Variants in CLEC16A observed in about 807,000 individuals in gnomAD.
The protein encoded by CLEC16A is protein CLEC16A.
CLEC16A carries 51 observed loss-of-function variants against 109.5 expected under a neutral mutation model. The observed-to-expected ratio is 0.47, with a 90% CI of 0.37 to 0.59. The LOEUF (loss-of-function observed/expected upper bound fraction) is 0.59, where lower values mean the gene tolerates loss of function less well. Ranked by LOEUF, CLEC16A falls within the 20% of genes least tolerant of loss-of-function variation. CLEC16A has a pLI of 0.00. For synonymous variants in CLEC16A, 673 were observed against 564.2 expected, an observed-to-expected ratio of 1.19 and a Z score of -2.73; for missense variants, 1,339 against 1,394.0, an observed-to-expected ratio of 0.96 and a Z score of 0.63.
intron 21 of CLEC16A, among the ~76,000 whole-genome samples, chr16:11,125,646 G>C (rs938640734): frequency 3.9e-5 from 6 of 152,344 alleles, no homozygotes; most frequent in Non-Finnish European, 7.3e-5. Context: ...AACAGCCTTT[G>C]TCAGGGTCCT....
chr16:10,971,489 G>A (rs2042784305), intron 5 of CLEC16A: 1 of 938,928 alleles, frequency 1.1e-6, no homozygotes, highest in African/African-American at 1.8e-5. Flanking sequence ...GCACGTGTGG[G>A]ATTCAGAGTG....
At chr16:11,121,897 A>AG (rs1156402074) in intron 20 of CLEC16A, among the ~76,000 whole-genome samples, 1 of 151,264 alleles carries the variant, frequency 6.6e-6, no homozygotes, top group Non-Finnish European at 1.5e-5. Flanking sequence ...AAAAAAAAAA[A>AG]AAAAAAAAAA....
chr16:11,022,818 G>A lies in CLEC16A; in HGVS notation c.1437-2003G>A, dbSNP rs113313684. 1.1e-3 allele frequency among the ~76,000 whole-genome samples: 174 copies of A among 151,460 alleles called. 3 individuals carry two copies. The highest frequency in any genetic ancestry group is 1.4e-3 in the Admixed American group (21 of 15,214). On this transcript the variant is annotated intron_variant, in intron 12 of 23. Coordinates refer to ENST00000409790, the MANE Select transcript of CLEC16A (RefSeq NM_015226.3). ...GGAGGCTGAGGCAGGAGAATGGCGTGAACCCGGGAGGCAGAGCTTGCAGTG... is the reference window on the plus strand; with the variant it reads ...GGAGGCTGAGGCAGGAGAATGGCGTAAACCCGGGAGGCAGAGCTTGCAGTG...
chr16:11,156,234 G>GTGGC (rs1252643543), intron 22 of CLEC16A, among the ~76,000 whole-genome samples: 1 of 152,084 alleles, frequency 6.6e-6, no homozygotes, highest in African/African-American at 2.4e-5. Flanking sequence ...GTGGAGCATG[G>GTGGC]TGGCGCACAC....
At chr16:11,160,770 G>A (rs2054695694) in intron 22 of CLEC16A, among the ~76,000 whole-genome samples, 1 of 152,208 alleles carries the variant, frequency 6.6e-6, no homozygotes, top group Non-Finnish European at 1.5e-5. Flanking sequence ...GATACACAAA[G>A]ACGTCAGGGA....
chr16:11,148,202 A>C (rs776670946), intron 22 of CLEC16A, among the ~76,000 whole-genome samples: 2 of 152,196 alleles, frequency 1.3e-5, no homozygotes, highest in African/African-American at 2.4e-5. Context: ...AAAACAGGTG[A>C]CCAGTACCTG....
intron 3 of CLEC16A, 139 bp from the exon 4 acceptor site, chr16:10,969,022 C>G: frequency 3.2e-6 from 2 of 628,260 alleles, no homozygotes; most frequent in Non-Finnish European, 5.3e-6. Context: ...AAAAGTTAAG[C>G]TCTTCCCAGT....
chr16:11,158,984 A>G (rs752307953), intron 22 of CLEC16A, among the ~76,000 whole-genome samples: 2 of 151,998 alleles, frequency 1.3e-5, no homozygotes, highest in Admixed American at 6.6e-5. Context: ...CACAAGATAG[A>G]TGGCCTGGCT....
rs2068910522 is a variant in CLEC16A, at chr16:11,180,056, T to A, written c.*1366T>A. On this transcript the variant is annotated 3_prime_UTR_variant, in exon 24 of 24. Transcript: ENST00000409790. Reference sequence around the variant, plus strand: ...TCACTGGTGAGACCTTCCACAACTTTCCTCCAGACCTGCCAGCAGATGTGC... The same window carrying A: ...TCACTGGTGAGACCTTCCACAACTTACCTCCAGACCTGCCAGCAGATGTGC... 6.6e-6 allele frequency: 1 copy of A among 152,112 alleles called. No homozygotes were observed. The highest frequency in any genetic ancestry group is 2.4e-5 in the African/African-American group (1 of 41,326). The allele number at this position is 152,112 out of a possible 1,614,324, so 9.4% of individuals were successfully genotyped here. A position where few individuals can be genotyped will look rare whatever the true frequency, so the allele number is the denominator to read the frequency against.
intron 11 of CLEC16A, among the ~76,000 whole-genome samples, chr16:11,016,386 T>C (rs1391912703): frequency 1.5e-4 from 22 of 151,088 alleles, no homozygotes; most frequent in Admixed American, 1.4e-3. Flanking sequence ...TCTCACTCTG[T>C]CACCCAGGCT....
intron 5 of CLEC16A, 64 bp downstream of exon 5, chr16:10,971,294 G>A (rs1311056158): frequency 7.0e-6 from 8 of 1,145,442 alleles, no homozygotes; most frequent in African/African-American, 4.6e-5. Context: ...ACTCACTCCC[G>A]TGTGTGTGCG....
intron 9 of CLEC16A, among the ~76,000 whole-genome samples, chr16:10,979,800 A>G (rs1448709945): frequency 1.3e-5 from 2 of 152,072 alleles, no homozygotes; most frequent in African/African-American, 4.8e-5. Flanking sequence ...AACTTCCTGA[A>G]ATGAGTCTAT....
chr16:10,968,272 C>T (rs1214237158), intron 3 of CLEC16A, among the ~76,000 whole-genome samples: 3 of 152,214 alleles, frequency 2.0e-5, no homozygotes, highest in Non-Finnish European at 4.4e-5. Flanking sequence ...ATGTTTTTGC[C>T]GGCCAGCACA....
intron 1 of CLEC16A, among the ~76,000 whole-genome samples, chr16:10,950,020 C>CT (rs1240394051): frequency 6.6e-6 from 1 of 152,242 alleles, no homozygotes; most frequent in Non-Finnish European, 1.5e-5. Flanking sequence ...GCTGTCTTCT[C>CT]TAACTTCTTC....
In CLEC16A at chr16:11,178,305, T is replaced by C. The variant is rs761465485; in HGVS notation, c.2807-30T>C. On this transcript the variant is annotated intron_variant, in intron 23 of 23. Transcript: ENST00000409790. This position sits in a 1 kb window ranked among gnomAD's most constrained non-coding sequence, Gnocchi z 6.5. ...GCGACGGGGTGTCTCAAGGGCTCAG[T>C]GTGTTTCCGGTTTTTCTCCCCCAAT... 1.1e-5 allele frequency: 17 copies of C among 1,569,696 alleles called. No individual in the cohort carries two copies. The highest frequency in any genetic ancestry group is 8.7e-7 in the Non-Finnish European group (1 of 1,148,298).
At chr16:11,009,464 C>G (rs1361058181) in intron 11 of CLEC16A, among the ~76,000 whole-genome samples, 2 of 152,166 alleles carry the variant, frequency 1.3e-5, no homozygotes, top group Non-Finnish European at 2.9e-5. Context: ...TGCAGAGGGT[C>G]TGGGTGGTAC....
rs140158975 is a variant in CLEC16A, at chr16:11,170,645, C to G, written c.2806+4093C>G. ...GCCTTCCAACCTCTTAGTGGCTCAT[C>G]TCCCTGCATCTTATCTTCCCTGGGT... is the stretch of plus-strand genomic sequence containing the variant. On this transcript the variant is annotated intron_variant, in intron 23 of 23. Coordinates refer to ENST00000409790, the MANE Select transcript of CLEC16A (RefSeq NM_015226.3). 9.2e-5 allele frequency among the ~76,000 whole-genome samples: 14 copies of G among 152,332 alleles called. No individual in the cohort carries two copies. The East Asian group carries it at 2.7e-3, about 29-fold the overall frequency.
At position 11,179,482 on chromosome 16, in the gene CLEC16A, C is replaced by T. The variant is rs202139815; in HGVS notation, c.*792C>T. 1.3e-5 allele frequency: 2 copies of T among 152,244 alleles called. No homozygotes were observed. The highest frequency in any genetic ancestry group is 2.9e-5 in the Non-Finnish European group (2 of 68,044). 9.4% of individuals were successfully genotyped at this position (152,244 alleles called of 1,614,324 possible). Reference sequence around the variant, plus strand: ...AGGGCTGAATGGTTTTCTGCTATAGCAGCCGAGAGGCCTCCCATCATGGAA... The same window carrying T: ...AGGGCTGAATGGTTTTCTGCTATAGTAGCCGAGAGGCCTCCCATCATGGAA... On this transcript the variant is annotated 3_prime_UTR_variant, in exon 24 of 24. Coordinates refer to ENST00000409790, the MANE Select transcript of CLEC16A (RefSeq NM_015226.3).
At chr16:11,018,748 C>CAAAAAAAAAAAAAAAAAAAA (rs56911220) in intron 11 of CLEC16A, among the ~76,000 whole-genome samples, 2 of 96,280 alleles carry the variant, frequency 2.1e-5, no homozygotes, top group African/African-American at 8.8e-5. Context: ...GACTCCATCT[C>CAAAAAAAAAAAAAAAAAAAA]AAAAAAAAAA....
Sources: allele counts gnomAD v4.1 joint callset (sites outside exome capture counted in the v4.1 genomes callset), GRCh38; gene constraint gnomAD v4.1.1; non-coding constraint Gnocchi (gnomAD v3.1); transcripts MANE v1.5; gene names NCBI Gene and HGNC (gene_info 2026-07-23, HGNC 2026-07-21).